Variants in TANC2 observed in about 807,000 individuals in gnomAD.
TANC2 encodes protein TANC2.
In TANC2, 26 loss-of-function variants were observed where a neutral mutation model predicts 210.5. The ratio of observed to expected loss-of-function variants is 0.12; its 90% confidence interval spans 0.09 to 0.17. The LOEUF (loss-of-function observed/expected upper bound fraction) is 0.17, where lower values mean the gene tolerates loss of function less well. TANC2 is among the 10% of genes least tolerant of loss of function. The pLI, the probability that TANC2 is intolerant of heterozygous loss-of-function variation, is 1.00. For missense variants in TANC2, 2,129 were observed against 2,608.9 expected (o/e 0.82, Z 4.01); for synonymous variants, 931 against 967.1 (o/e 0.96, Z 0.69).
At chr17:63,019,602 G>A (rs908707454) in intron 2 of TANC2, among the ~76,000 whole-genome samples, 4 of 152,016 alleles carry the variant, frequency 2.6e-5, no homozygotes, top group East Asian at 3.9e-4. Flanking sequence ...TAAATTTATT[G>A]AGTATAGGTG....
chr17:63,079,713 C>G (rs2036701600), intron 3 of TANC2, among the ~76,000 whole-genome samples: 1 of 152,116 alleles, frequency 6.6e-6, no homozygotes, highest in African/African-American at 2.4e-5. Context: ...TGTTTCTTCT[C>G]CAGTAGCAGC....
At chr17:63,031,724 A>G (rs1041103036) in intron 2 of TANC2, among the ~76,000 whole-genome samples, 39 of 152,190 alleles carry the variant, frequency 2.6e-4, no homozygotes, top group African/African-American at 8.9e-4. Flanking sequence ...TGGGGGACAC[A>G]GCTTACTTAG....
chr17:63,340,793 A>T (rs1213526597), intron 12 of TANC2, among the ~76,000 whole-genome samples: 1 of 152,238 alleles, frequency 6.6e-6, no homozygotes, highest in East Asian at 1.9e-4. Flanking sequence ...ACCAGAAATC[A>T]TTTAACTGTA....
chr17:63,152,156 G>A (rs904306028), intron 5 of TANC2: 2 of 152,082 alleles, frequency 1.3e-5, no homozygotes, highest in African/African-American at 2.4e-5. Context: ...GAAGGACCTT[G>A]GAAGACTTGG....
intron 8 of TANC2, among the ~76,000 whole-genome samples, chr17:63,249,777 G>A (rs1488671736): frequency 6.6e-6 from 1 of 152,174 alleles, no homozygotes; most frequent in Non-Finnish European, 1.5e-5. Context: ...AAGGACAGCA[G>A]AATGGCTTCT....
intron 9 of TANC2, among the ~76,000 whole-genome samples, chr17:63,300,749 C>T (rs1373527418): frequency 2.6e-5 from 4 of 152,152 alleles, no homozygotes; most frequent in South Asian, 2.1e-4. Flanking sequence ...TTCCCCTCTT[C>T]CTATGTGAAT....
intron 2 of TANC2, among the ~76,000 whole-genome samples, chr17:63,060,283 G>C (rs183949753): frequency 6.6e-6 from 1 of 152,290 alleles, no homozygotes; most frequent in East Asian, 1.9e-4. Context: ...TACATGTATT[G>C]TCAGATCATG....
chr17:63,355,214 T>A (rs1240724155), exon 14 of TANC2: 1 of 1,613,816 alleles, frequency 6.2e-7, no homozygotes, highest in Non-Finnish European at 8.5e-7. Flanking sequence ...AGGCCATCAA[T>A]GCTGGGAGCA....
At chr17:63,174,495 C>T (rs2040510511) in intron 5 of TANC2, among the ~76,000 whole-genome samples, 1 of 152,158 alleles carries the variant, frequency 6.6e-6, no homozygotes, top group Non-Finnish European at 1.5e-5. Flanking sequence ...AATCTTTGTC[C>T]ATCTCCGTTT....
chr17:63,011,780 T>C (rs929668776), intron 2 of TANC2, among the ~76,000 whole-genome samples: 5 of 152,168 alleles, frequency 3.3e-5, no homozygotes, highest in Admixed American at 2.0e-4. Context: ...ATATGACTTC[T>C]TTCATACTTT....
intron 2 of TANC2, among the ~76,000 whole-genome samples, chr17:63,043,464 A>G (rs1046574959): frequency 1.3e-5 from 2 of 152,136 alleles, no homozygotes; most frequent in African/African-American, 2.4e-5. Context: ...AATAAATTCT[A>G]TCATTTTACT....
At chr17:63,286,296 T>C (rs1371055121) in intron 9 of TANC2, among the ~76,000 whole-genome samples, 2 of 152,240 alleles carry the variant, frequency 1.3e-5, no homozygotes, top group Admixed American at 1.3e-4. Context: ...CTGCTAGTGA[T>C]TAATTTATTC....
At chr17:63,206,702 C>T (rs1455511450) in intron 7 of TANC2, among the ~76,000 whole-genome samples, 2 of 151,888 alleles carry the variant, frequency 1.3e-5, no homozygotes, top group Admixed American at 6.6e-5. Flanking sequence ...GGGGCTGCAG[C>T]GGCGTGGGGA....
At chr17:63,104,531 T>G (rs78119823) in intron 4 of TANC2, among the ~76,000 whole-genome samples, 1 of 152,212 alleles carries the variant, frequency 6.6e-6, no homozygotes, top group African/African-American at 2.4e-5. Context: ...ACTAGGAGTT[T>G]GTTTTACAAA....
At chr17:62,999,654 T>C (rs961858615) in intron 1 of TANC2, among the ~76,000 whole-genome samples, 1 of 152,116 alleles carries the variant, frequency 6.6e-6, no homozygotes, top group Admixed American at 6.5e-5. Context: ...TCAACTATTA[T>C]TAGCATCAAT....
At chr17:63,370,624 G>C (rs2047239769) in intron 14 of TANC2, among the ~76,000 whole-genome samples, 1 of 152,182 alleles carries the variant, frequency 6.6e-6, no homozygotes, top group African/African-American at 2.4e-5. Context: ...TATCACAATA[G>C]AAATTTATTT....
In TANC2 at chr17:63,120,697, C is replaced by A. The variant is rs559117378; in HGVS notation, c.322+21340C>A. 2.0e-5 allele frequency: 3 copies of A among 150,970 alleles called. No individual in the cohort carries two copies. In the East Asian group the frequency reaches 5.9e-4, roughly 30 times the overall value. 9.4% of individuals were successfully genotyped at this position (150,970 alleles called of 1,614,324 possible). ...GGCATGGTGGTGCACACCTCTGGTC[C>A]CAGCTGCTTGGGAGGTTTAGGTAGG... On this transcript the variant is annotated intron_variant, in intron 4 of 27. Transcript: ENST00000689528.
chr17:63,340,015 C>G, intron 11 of TANC2, 86 bp from the exon 12 acceptor site: 1 of 954,858 alleles, frequency 1.0e-6, no homozygotes, highest in Non-Finnish European at 1.6e-6. Flanking sequence ...TAAGTGATTT[C>G]TAGTATAATC....
At chr17:63,157,146 G>T (rs2039868245) in intron 5 of TANC2, among the ~76,000 whole-genome samples, 1 of 152,118 alleles carries the variant, frequency 6.6e-6, no homozygotes, top group African/African-American at 2.4e-5. Context: ...AGGCAGATAA[G>T]GGAACTTCAG....
Sources: allele counts gnomAD v4.1 joint callset (sites outside exome capture counted in the v4.1 genomes callset), GRCh38; gene constraint gnomAD v4.1.1; transcripts MANE v1.5; gene names NCBI Gene and HGNC (gene_info 2026-07-23, HGNC 2026-07-21).